The following GRIP1 variants were observed in gnomAD, a reference collection of about 807,000 sequenced individuals.
GRIP1 encodes the protein glutamate receptor interacting protein 1.
In GRIP1, 45 loss-of-function variants were observed where a neutral mutation model predicts 129.9. The observed-to-expected ratio is 0.35, with a 90% CI of 0.27 to 0.44. The LOEUF is 0.44. GRIP1 is among the 20% of genes least tolerant of loss of function. GRIP1 has a pLI of 1.00. For synonymous variants in GRIP1, 530 were observed against 520.8 expected, an observed-to-expected ratio of 1.02 and a Z score of -0.24; for missense variants, 1,196 against 1,396.8, an observed-to-expected ratio of 0.86 and a Z score of 2.29.
At chr12:66,568,148 C>A in intron 2 of GRIP1, 1 of 277,866 alleles carries the variant, frequency 3.6e-6, no homozygotes, top group South Asian at 4.8e-5. Context: ...GGGAACTGGT[C>A]CTTCTAAAAC....
intron 1 of GRIP1, among the ~76,000 whole-genome samples, chr12:66,760,224 GTCT>G (rs2037430208): frequency 6.6e-6 from 1 of 151,990 alleles, no homozygotes; most frequent in African/African-American, 2.4e-5. Context: ...ACATTTTCCT[GTCT>G]TCTTCTGAGC....
At chr12:67,024,096 A>G (rs760471532) in intron 1 of GRIP1, among the ~76,000 whole-genome samples, 1 of 151,840 alleles carries the variant, frequency 6.6e-6, no homozygotes, top group Non-Finnish European at 1.5e-5. Flanking sequence ...GACTGTTCAC[A>G]CTTGGGGATC....
At chr12:66,410,354 A>G (rs2057352980) in intron 15 of GRIP1, among the ~76,000 whole-genome samples, 1 of 144,250 alleles carries the variant, frequency 6.9e-6, no homozygotes, top group Non-Finnish European at 1.5e-5. Flanking sequence ...AAGCTGGGCC[A>G]GGCATGGTGG....
chr12:66,856,978 G>A (rs960192006), intron 1 of GRIP1, among the ~76,000 whole-genome samples: 2 of 152,140 alleles, frequency 1.3e-5, no homozygotes, highest in African/African-American at 4.8e-5. Context: ...CAACCCAAAT[G>A]TCCAACAATG....
chr12:66,764,481 C>A (rs116068028), intron 1 of GRIP1, among the ~76,000 whole-genome samples: 5 of 152,092 alleles, frequency 3.3e-5, no homozygotes, highest in Non-Finnish European at 5.9e-5. Context: ...TATACTAAGA[C>A]CTTTGACCAA....
At chr12:66,529,062 T>G (rs1470187079) in intron 5 of GRIP1, among the ~76,000 whole-genome samples, 1 of 152,012 alleles carries the variant, frequency 6.6e-6, no homozygotes, top group East Asian at 1.9e-4. Flanking sequence ...TCACTAATGA[T>G]CAGGGAAATG....
intron 1 of GRIP1, among the ~76,000 whole-genome samples, chr12:66,658,000 T>C (rs2033266576): frequency 6.6e-6 from 1 of 152,232 alleles, no homozygotes; most frequent in Non-Finnish European, 1.5e-5. Context: ...TACAGTTTTC[T>C]CACACCCTAA....
chr12:66,394,141 T>C, intron 17 of GRIP1, 67 bp downstream of exon 17: 1 of 1,406,614 alleles, frequency 7.1e-7, no homozygotes, highest in East Asian at 2.3e-5. Context: ...AGCATGTTTT[T>C]ATGTGGTTGT....
At chr12:66,446,752 T>A (rs1423540226) in intron 11 of GRIP1, among the ~76,000 whole-genome samples, 23 of 152,188 alleles carry the variant, frequency 1.5e-4, no homozygotes. Flanking sequence ...GCTGGCTTTA[T>A]GCTTCTTCAA....
chr12:66,528,152 T>G (rs1412369315), intron 5 of GRIP1, among the ~76,000 whole-genome samples: 2 of 150,236 alleles, frequency 1.3e-5, no homozygotes, highest in Non-Finnish European at 3.0e-5. Context: ...TTTTTTTTTT[T>G]GAGATGGAGT....
intron 1 of GRIP1, among the ~76,000 whole-genome samples, chr12:67,052,766 AAGGGAGGG>A (rs1008096578): frequency 1.7e-5 from 2 of 115,944 alleles, no homozygotes; most frequent in Non-Finnish European, 3.4e-5. Flanking sequence ...CTCAAAAATG[AAGGGAGGG>A]AGGGAGGGAG....
At chr12:66,804,036 T>C (rs750342577) in intron 1 of GRIP1, 1 of 443,762 alleles carries the variant, frequency 2.3e-6, no homozygotes, top group South Asian at 1.6e-5. Flanking sequence ...AACCGGAGGA[T>C]GGAGAGAAGC....
intron 1 of GRIP1, among the ~76,000 whole-genome samples, chr12:66,817,243 C>CAT (rs1370049722): frequency 3.1e-4 from 41 of 132,300 alleles, no homozygotes; most frequent in African/African-American, 1.1e-3. Context: ...CACACACACA[C>CAT]ATATATATTT....
At chr12:66,767,102 C>A (rs1182337274) in intron 1 of GRIP1, among the ~76,000 whole-genome samples, 1 of 142,854 alleles carries the variant, frequency 7.0e-6, no homozygotes, top group African/African-American at 2.7e-5. Context: ...GGATTAATTT[C>A]TTTAATTTTG....
chr12:66,629,139 C>T (rs989658934), intron 1 of GRIP1, among the ~76,000 whole-genome samples: 1 of 152,132 alleles, frequency 6.6e-6, no homozygotes, highest in African/African-American at 2.4e-5. Flanking sequence ...ATTCTAGAAA[C>T]AAAAGTTCTG....
intron 1 of GRIP1, among the ~76,000 whole-genome samples, chr12:66,969,812 G>C (rs1308511199): frequency 2.0e-5 from 3 of 152,024 alleles, no homozygotes; most frequent in Admixed American, 6.6e-5. Flanking sequence ...ATCGTGTTAA[G>C]TCTTCTGAGT....
chr12:66,373,380 C>T (rs577101436), intron 22 of GRIP1, among the ~76,000 whole-genome samples: 7 of 152,280 alleles, frequency 4.6e-5, no homozygotes, highest in Middle Eastern at 3.4e-3. Context: ...TAAGTCACCA[C>T]GCCTGGCCAT....
intron 1 of GRIP1, among the ~76,000 whole-genome samples, chr12:66,725,749 AAC>A (rs775932777): frequency 7.2e-5 from 11 of 152,278 alleles, no homozygotes; most frequent in South Asian, 2.1e-4. Context: ...TACACACTCA[AAC>A]ACACACAGTT....
intron 1 of GRIP1, among the ~76,000 whole-genome samples, chr12:66,767,351 T>C (rs1435061303): frequency 2.6e-5 from 4 of 152,002 alleles, no homozygotes; most frequent in Admixed American, 2.6e-4. Context: ...AAAAGAAGCA[T>C]CTAAGGACAA....
Sources: gnomAD v4.1 joint callset for allele counts (sites outside exome capture counted in the v4.1 genomes callset) on GRCh38, gnomAD v4.1.1 for gene constraint, MANE v1.5 for transcripts, NCBI Gene and HGNC (gene_info 2026-07-23, HGNC 2026-07-21) for gene names.